Variants in UGT2B4 observed in about 807,000 individuals in gnomAD.
The protein encoded by UGT2B4 is UDP glucuronosyltransferase family 2 member B4, also known as UDP-glucuronosyltransferase 2B4.
In UGT2B4, 49 loss-of-function variants were observed where a neutral mutation model predicts 49.8. The ratio of observed to expected loss-of-function variants is 0.98; its 90% CI spans 0.78 to 1.25. UGT2B4 has a LOEUF of 1.25. UGT2B4 is among the 50% of genes most tolerant of loss of function. The probability of loss-of-function intolerance (pLI) is 0.00; values close to 1 mark genes in which losing one functional copy is unlikely to be tolerated. For synonymous variants in UGT2B4, 246 were observed against 217.7 expected, an observed-to-expected ratio of 1.13 and a Z score of -1.14; for missense variants, 729 against 627.7, an observed-to-expected ratio of 1.16 and a Z score of -1.73.
chr4:69,500,917 C>G (rs1431550911), intron 1 of UGT2B4, among the ~76,000 whole-genome samples: 1 of 151,978 alleles, frequency 6.6e-6, no homozygotes, highest in Non-Finnish European at 1.5e-5. Flanking sequence ...GTGTAGAGAC[C>G]TGGGAGTTTT....
chr4:69,499,475 C>T (rs1459357617), upstream of UGT2B4, among the ~76,000 whole-genome samples: 1 of 152,124 alleles, frequency 6.6e-6, no homozygotes, highest in East Asian at 1.9e-4. Flanking sequence ...TAAAGTCTCC[C>T]ACAATTATTG....
At chr4:69,506,957 G>A (rs1457241382) in intron 1 of UGT2B4, among the ~76,000 whole-genome samples, 2 of 152,100 alleles carry the variant, frequency 1.3e-5, no homozygotes, top group African/African-American at 4.8e-5. Flanking sequence ...CATATAAACA[G>A]AACTAAATAC....
At chr4:69,520,938 G>A (rs1728837463) in intron 1 of UGT2B4, among the ~76,000 whole-genome samples, 1 of 152,176 alleles carries the variant, frequency 6.6e-6, no homozygotes, top group Non-Finnish European at 1.5e-5. Context: ...GGCTGCTGCT[G>A]GAAGTAAGAA....
chr4:69,502,166 CTTTCT>C (rs1321898122), intron 1 of UGT2B4, among the ~76,000 whole-genome samples: 2 of 104,194 alleles, frequency 1.9e-5, no homozygotes, highest in African/African-American at 7.4e-5. Flanking sequence ...TTTCTTTCTT[CTTTCT>C]TTTCTTCATT....
chr4:69,510,159 G>A (rs1728571702), intron 1 of UGT2B4, among the ~76,000 whole-genome samples: 1 of 152,098 alleles, frequency 6.6e-6, no homozygotes, highest in Non-Finnish European at 1.5e-5. Flanking sequence ...TCAGTTGACT[G>A]TATATTTGTG....
chr4:69,491,595 G>A (rs912065005), intron 2 of UGT2B4, among the ~76,000 whole-genome samples: 4 of 152,120 alleles, frequency 2.6e-5, no homozygotes, highest in African/African-American at 9.6e-5. Flanking sequence ...AACAATTAGA[G>A]AATGGCTTTC....
intron 1 of UGT2B4, among the ~76,000 whole-genome samples, chr4:69,494,752 A>T (rs999738235): frequency 3.9e-5 from 6 of 152,218 alleles, no homozygotes; most frequent in Admixed American, 3.9e-4. Flanking sequence ...CTGCAATGTT[A>T]TATAGATAGT....
At chr4:69,520,851 C>T (rs1368721482) in intron 1 of UGT2B4, among the ~76,000 whole-genome samples, 1 of 152,132 alleles carries the variant, frequency 6.6e-6, no homozygotes, top group African/African-American at 2.4e-5. Context: ...CGGTAAGAGG[C>T]AGATCCCTGA....
At position 69,495,189 on chromosome 4, in the gene UGT2B4, G is replaced by A; in HGVS notation, c.673C>T (p.Gln225Ter). Residue 225 changes from glutamine to a stop codon, truncating the protein, a stop_gained, in exon 1 of 6, where the codon CAA becomes TAA. Transcript: ENST00000305107. LOFTEE classifies it high-confidence loss of function. ...TCCCACTTCTTCATGTCAAATATTTGGAACCAAAATTCAAAATAAAGCACA... is the reference window on the plus strand; with the variant it reads ...TCCCACTTCTTCATGTCAAATATTTAGAACCAAAATTCAAAATAAAGCACA... ...IYVLYFEFWF[Q>*]IFDMKKWDQF... 6.3e-7 allele frequency: 1 copy of A among 1,585,088 alleles called. No individual in the cohort carries two copies. Among genetic ancestry groups the A allele is most frequent in the Non-Finnish European group, 8.5e-7 (1 of 1,169,758 alleles).
intron 1 of UGT2B4, among the ~76,000 whole-genome samples, chr4:69,512,357 C>T (rs1213171023): frequency 6.6e-6 from 1 of 151,904 alleles, no homozygotes; most frequent in East Asian, 1.9e-4. Flanking sequence ...TTTCACTTAT[C>T]TCAAATTTTT....
At chr4:69,501,650 C>T (rs892414440) in intron 1 of UGT2B4, among the ~76,000 whole-genome samples, 2 of 152,034 alleles carry the variant, frequency 1.3e-5, no homozygotes, top group African/African-American at 4.8e-5. Flanking sequence ...TTTTGGGTAC[C>T]GCCACTGGTG....
At chr4:69,501,577 C>T (rs1297434339) in intron 1 of UGT2B4, among the ~76,000 whole-genome samples, 1 of 152,142 alleles carries the variant, frequency 6.6e-6, no homozygotes, top group Non-Finnish European at 1.5e-5. Context: ...TGTGAGCAGA[C>T]TGCTTTTTTA....
chr4:69,508,728 AG>A lies in UGT2B4; in HGVS notation c.-105-12763del, dbSNP rs1391733430. Among the ~76,000 whole-genome samples the A allele has an allele frequency of 1.2e-4, 19 of 152,286 alleles. No individual in the cohort carries two copies. The South Asian group carries it at 3.9e-3, about 32-fold the overall frequency. On this transcript the variant is annotated intron_variant, in intron 1 of 1. Transcript: ENST00000510114. ...GAGGCTGAAGAGCGGGAGGAGGGAG[AG>A]GATCAGAAAAAATAACTACAGGGCA...
chr4:69,510,994 T>C lies in UGT2B4; in HGVS notation c.-106+14693A>G, dbSNP rs1272408053. Among the ~76,000 whole-genome samples the C allele has an allele frequency of 3.4e-5, 5 of 145,800 alleles. 1 individual carries two copies. The South Asian group carries it at 6.5e-4, about 19-fold the overall frequency. ...TACTCTTTCTTTTCTTTTCTTCTTTTTTTTTTTTTTTTTGAGACAGTCTCG... is the reference window on the plus strand; with the variant it reads ...TACTCTTTCTTTTCTTTTCTTCTTTCTTTTTTTTTTTTTGAGACAGTCTCG... On this transcript the variant is annotated intron_variant, in intron 1 of 1. Transcript: ENST00000510114.
rs1469302293 is a variant in UGT2B4 at position 69,489,561 on chromosome 4, C to G, written c.880G>C (p.Glu294Gln). The G allele has an allele frequency of 2.5e-6, 4 of 1,604,642 alleles. No homozygotes were observed. In the Admixed American group the frequency reaches 7.0e-5, roughly 28 times the overall value. ...TTTTCTCCAGAGCTCTGGACAAACT[C>G]TTCCATTTCCTGTGAAAAAAAAGAA... ...PAKPLPKEME[E>Q]FVQSSGENGV... Residue 294 changes from glutamate to glutamine, a missense_variant, in exon 3 of 6, where the codon GAG (glutamate) becomes CAG (glutamine). By Grantham distance (29) the Glu-to-Gln change is conservative (BLOSUM62 2). Transcript: ENST00000305107.
upstream of UGT2B4, among the ~76,000 whole-genome samples, chr4:69,497,475 G>T (rs1728197430): frequency 6.6e-6 from 1 of 152,128 alleles, no homozygotes; most frequent in South Asian, 2.1e-4. Context: ...ATTGTAATTG[G>T]TCTATTATTG....
intron 2 of UGT2B4, 94 bp downstream of exon 2, chr4:69,493,599 A>G (rs1728057159): frequency 7.0e-7 from 1 of 1,434,706 alleles, no homozygotes. Flanking sequence ...TCCCACTTCC[A>G]CCTTTCTTCC....
intron 1 of UGT2B4, among the ~76,000 whole-genome samples, chr4:69,509,835 G>C (rs1728562485): frequency 6.6e-6 from 1 of 151,592 alleles, no homozygotes; most frequent in Non-Finnish European, 1.5e-5. Context: ...TTTCTTTGCT[G>C]TGTAGAATAT....
intron 1 of UGT2B4, among the ~76,000 whole-genome samples, chr4:69,502,350 C>T (rs1472713618): frequency 6.6e-6 from 1 of 151,536 alleles, no homozygotes; most frequent in Non-Finnish European, 1.5e-5. Flanking sequence ...CACAGTCCTT[C>T]TGACTGTGTT....
Sources: allele counts gnomAD v4.1 joint callset (sites outside exome capture counted in the v4.1 genomes callset), GRCh38; gene constraint gnomAD v4.1.1; transcripts MANE v1.5; gene names NCBI Gene and HGNC (gene_info 2026-07-23, HGNC 2026-07-21).